The following CAPS2 variants were observed in gnomAD, a reference collection of about 807,000 sequenced individuals.
CAPS2 encodes calcyphosine 2.
In CAPS2, 98 loss-of-function variants were observed where a neutral mutation model predicts 86.5. That is an observed-to-expected ratio of 1.13 (90% CI 0.96 to 1.34). CAPS2 has a LOEUF of 1.34. CAPS2 is among the 40% of genes most tolerant of loss of function. The pLI, the probability that CAPS2 is intolerant of heterozygous loss-of-function variation, is 0.00. For missense variants in CAPS2, 729 were observed against 686.8 expected (o/e 1.06, Z -0.69); for synonymous variants, 210 against 225.1 (o/e 0.93, Z 0.60).
intron 12 of CAPS2, among the ~76,000 whole-genome samples, chr12:75,292,127 C>G (rs1203906949): frequency 6.6e-6 from 1 of 151,890 alleles, no homozygotes; most frequent in African/African-American, 2.4e-5. Context: ...AGTGCAGTGG[C>G]GAGATCTCGG....
At chr12:75,371,501 T>C (rs1412391134) in intron 1 of CAPS2, 2 of 341,624 alleles carry the variant, frequency 5.9e-6, no homozygotes, top group African/African-American at 2.2e-5. Flanking sequence ...AAGTTGACAA[T>C]ATTAACCATC....
intron 1 of CAPS2, among the ~76,000 whole-genome samples, chr12:75,368,511 A>G (rs944309645): frequency 6.6e-6 from 1 of 151,486 alleles, no homozygotes; most frequent in Non-Finnish European, 1.5e-5. Context: ...CCAGGAATAC[A>G]ATATTACGTT....
chr12:75,290,937 A>AAAAAAAAC (rs1555191396), intron 13 of CAPS2, among the ~76,000 whole-genome samples: 1 of 27,790 alleles, frequency 3.6e-5, no homozygotes, highest in Non-Finnish European at 9.3e-5. Context: ...AAAAAAAACA[A>AAAAAAAAC]AAAAAAAACA....
chr12:75,341,052 AC>A (rs2042070364), intron 1 of CAPS2, among the ~76,000 whole-genome samples: 2 of 152,178 alleles, frequency 1.3e-5, no homozygotes, highest in Admixed American at 6.5e-5. Flanking sequence ...GAACACCTAA[AC>A]ATACACTTAC....
At chr12:75,276,343 A>T, downstream of CAPS2, 1 of 1,464,232 alleles carries the variant, frequency 6.8e-7, no homozygotes. Context: ...TCTGCAGTAA[A>T]CATAGCCTAA....
At chr12:75,277,299 T>A in exon 17 of CAPS2, 2 of 971,666 alleles carry the variant, frequency 2.1e-6, no homozygotes, top group Non-Finnish European at 2.4e-6. Context: ...AGAACAGGTT[T>A]CTTAAGAACT....
intron 1 of CAPS2, among the ~76,000 whole-genome samples, chr12:75,345,746 A>G (rs1212988389): frequency 1.3e-5 from 2 of 152,194 alleles, no homozygotes; most frequent in Admixed American, 1.3e-4. Context: ...CAATATCCCT[A>G]AGATGATATC....
chr12:75,348,966 A>G (rs2042629647), intron 1 of CAPS2, among the ~76,000 whole-genome samples: 1 of 152,188 alleles, frequency 6.6e-6, no homozygotes, highest in African/African-American at 2.4e-5. Context: ...AATTACTAAG[A>G]CAGAGGTTGG....
intron 7 of CAPS2, chr12:75,306,205 G>T: frequency 1.4e-6 from 1 of 722,822 alleles, no homozygotes; most frequent in South Asian, 1.7e-5. Flanking sequence ...GGAGCAGCTG[G>T]TGTTCCCGGG....
chr12:75,278,763 C>T, exon 17 of CAPS2: 3 of 1,328,018 alleles, frequency 2.3e-6, no homozygotes, highest in Middle Eastern at 2.8e-4. Context: ...CAAAACAAAA[C>T]AAACAAACAA....
chr12:75,289,587 T>C, intron 14 of CAPS2, 34 bp downstream of exon 14: 1 of 1,571,186 alleles, frequency 6.4e-7, no homozygotes. Context: ...GAATAACATA[T>C]TATCTGCTGC....
intron 1 of CAPS2, chr12:75,373,858 A>G (rs2044505730): frequency 6.6e-6 from 1 of 152,110 alleles, no homozygotes; most frequent in South Asian, 2.1e-4. Context: ...CTTGCGCCCC[A>G]TCATGTATAT....
intron 7 of CAPS2, among the ~76,000 whole-genome samples, chr12:75,307,624 A>T (rs1032371470): frequency 6.6e-6 from 1 of 152,236 alleles, no homozygotes; most frequent in Non-Finnish European, 1.5e-5. Flanking sequence ...CACTGACTTG[A>T]TCTTTACAAA....
intron 1 of CAPS2, among the ~76,000 whole-genome samples, chr12:75,376,097 T>C (rs1222103876): frequency 6.6e-6 from 1 of 152,212 alleles, no homozygotes; most frequent in Admixed American, 6.5e-5. Context: ...TTTGGATCCC[T>C]TCGTCTACAT....
intron 11 of CAPS2, chr12:75,294,990 T>C (rs2036642724): frequency 6.6e-6 from 1 of 152,222 alleles, no homozygotes; most frequent in Non-Finnish European, 1.5e-5. Flanking sequence ...GGGGAGGTTG[T>C]AAATGAATGG....
chr12:75,315,515 A>C (rs2039667324), intron 6 of CAPS2, among the ~76,000 whole-genome samples: 1 of 152,236 alleles, frequency 6.6e-6, no homozygotes, highest in South Asian at 2.1e-4. Flanking sequence ...TTGATTATAT[A>C]TTACTGTTAA....
chr12:75,282,751 G>C (rs1183546879), intron 15 of CAPS2, among the ~76,000 whole-genome samples: 1 of 152,108 alleles, frequency 6.6e-6, no homozygotes, highest in Non-Finnish European at 1.5e-5. Flanking sequence ...TTTTACAGTA[G>C]GTTATTTCTG....
intron 15 of CAPS2, among the ~76,000 whole-genome samples, 163 bp downstream of exon 15, chr12:75,284,798 T>C (rs2034579273): frequency 6.6e-6 from 1 of 152,146 alleles, no homozygotes; most frequent in Non-Finnish European, 1.5e-5. Context: ...TGCTTCATTC[T>C]GGGTTGATTT....
upstream of CAPS2, chr12:75,334,846 G>A: frequency 6.2e-7 from 1 of 1,614,058 alleles, no homozygotes; most frequent in Non-Finnish European, 8.5e-7. Flanking sequence ...CTGCATAGAA[G>A]CCCACAACGA....
Sources: allele counts gnomAD v4.1 joint callset (sites outside exome capture counted in the v4.1 genomes callset), GRCh38; gene constraint gnomAD v4.1.1; transcripts MANE v1.5; gene names NCBI Gene and HGNC (gene_info 2026-07-23, HGNC 2026-07-21).